The following ROBO2 variants were observed in gnomAD, a reference collection of about 807,000 sequenced individuals.
ROBO2 encodes the protein roundabout guidance receptor 2.
In ROBO2, 53 loss-of-function variants were observed where a neutral mutation model predicts 160.8. The ratio of observed to expected loss-of-function variants is 0.33; its 90% CI spans 0.26 to 0.41. The LOEUF is 0.41. ROBO2 is among the 10% of genes least tolerant of loss of function. The pLI is 1.00. For missense variants in ROBO2, 1,577 were observed against 1,722.4 expected (o/e 0.92, Z 1.49); for synonymous variants, 664 against 611.7 (o/e 1.09, Z -1.26).
chr3:75,971,362 G>A (rs2064987663), intron 2 of ROBO2, among the ~76,000 whole-genome samples: 1 of 151,450 alleles, frequency 6.6e-6, no homozygotes, highest in Non-Finnish European at 1.5e-5. Flanking sequence ...TAATATTTGA[G>A]TGATGAAGGC....
At chr3:76,060,972 T>G (rs6778360) in intron 2 of ROBO2, among the ~76,000 whole-genome samples, 12,581 of 152,214 alleles carry the variant, frequency 0.083, 1,388 homozygotes, top group African/African-American at 0.25. Flanking sequence ...AGCATGTTCT[T>G]GCTACAGTTT....
At chr3:76,995,527 C>A (rs1183414967) in intron 2 of ROBO2, among the ~76,000 whole-genome samples, 1 of 152,058 alleles carries the variant, frequency 6.6e-6, no homozygotes, top group East Asian at 1.9e-4. Flanking sequence ...AATCGCCACA[C>A]TGACTTCCAC....
At chr3:77,528,791 A>G (rs938377146) in intron 6 of ROBO2, among the ~76,000 whole-genome samples, 1 of 151,702 alleles carries the variant, frequency 6.6e-6, no homozygotes, top group Non-Finnish European at 1.5e-5. Context: ...AATTAATTGA[A>G]ACATAAACTG....
intron 2 of ROBO2, among the ~76,000 whole-genome samples, chr3:76,547,180 G>T (rs1378325842): frequency 6.6e-6 from 1 of 151,878 alleles, no homozygotes. Flanking sequence ...TAAAAATAAA[G>T]ATGTTTTTAA....
At chr3:76,293,173 C>G (rs1457781667) in intron 2 of ROBO2, among the ~76,000 whole-genome samples, 1 of 152,112 alleles carries the variant, frequency 6.6e-6, no homozygotes, top group African/African-American at 2.4e-5. Context: ...AACATTCGAA[C>G]TAGAATACAC....
chr3:77,612,351 G>C (rs186144846), intron 21 of ROBO2, among the ~76,000 whole-genome samples: 1 of 152,054 alleles, frequency 6.6e-6, no homozygotes, highest in Non-Finnish European at 1.5e-5. Context: ...ATCCTTCTTC[G>C]GTAACTGCAT....
chr3:77,214,287 G>A (rs905274161), intron 2 of ROBO2, among the ~76,000 whole-genome samples: 1 of 152,082 alleles, frequency 6.6e-6, no homozygotes, highest in Non-Finnish European at 1.5e-5. Context: ...TATATATTTA[G>A]GACAGTTAGC....
intron 2 of ROBO2, among the ~76,000 whole-genome samples, chr3:76,834,185 CTCTCTTTCTT>C (rs1053148133): frequency 2.1e-5 from 3 of 142,268 alleles, no homozygotes; most frequent in African/African-American, 7.9e-5. Context: ...CTCTCTCTCT[CTCTCTTTCTT>C]TCTTTCTTTC....
chr3:76,903,257 C>T (rs2075356871), intron 2 of ROBO2, among the ~76,000 whole-genome samples: 1 of 151,968 alleles, frequency 6.6e-6, no homozygotes, highest in Admixed American at 6.6e-5. Context: ...TTTTTAGTAC[C>T]ATCTTTATCA....
At position 77,034,094 on chromosome 3, in the gene ROBO2, A is replaced by G. The variant is rs554680794; in HGVS notation, c.110-63920A>G. On this transcript the variant is annotated intron_variant, in intron 2 of 26. Coordinates refer to the ROBO2 transcript ENST00000487694. The stretch of plus-strand genomic sequence containing the variant: ...GAGAAAAAAAAAATCACTTGTTGCT[A>G]TCATTCTTTTTTGCTAAGTGAAAGA... Among the ~76,000 whole-genome samples, 3 of 151,984 alleles carry G rather than the reference A, an allele frequency of 2.0e-5. No individual in the cohort carries two copies. The East Asian group carries it at 5.8e-4, about 29-fold the overall frequency.
intron 2 of ROBO2, among the ~76,000 whole-genome samples, chr3:76,614,032 C>T (rs1392438973): frequency 6.6e-6 from 1 of 151,842 alleles, no homozygotes; most frequent in Non-Finnish European, 1.5e-5. Context: ...TTCTCTAATA[C>T]TGAATTTATT....
chr3:77,361,058 G>T (rs1000649522), intron 2 of ROBO2, among the ~76,000 whole-genome samples: 1 of 151,964 alleles, frequency 6.6e-6, no homozygotes, highest in Admixed American at 6.6e-5. Context: ...ATATCTATTG[G>T]TAATTTTATC....
At chr3:76,407,319 C>A (rs928399142) in intron 2 of ROBO2, among the ~76,000 whole-genome samples, 1 of 151,886 alleles carries the variant, frequency 6.6e-6, no homozygotes, top group African/African-American at 2.4e-5. Flanking sequence ...TAAACTATTC[C>A]TGTTAATTTA....
chr3:77,553,612 C>T (rs1367482170), intron 8 of ROBO2, among the ~76,000 whole-genome samples: 1 of 151,850 alleles, frequency 6.6e-6, no homozygotes, highest in Non-Finnish European at 1.5e-5. Flanking sequence ...CTCCAGTGAA[C>T]ACAAAAAATG....
rs572105550 is a variant in ROBO2, at chr3:77,421,992, A to G, written c.389-55422A>G. On this transcript the variant is annotated intron_variant, in intron 2 of 25. Coordinates refer to ENST00000461745, the Ensembl canonical transcript of ROBO2. ...TTTATTCAAATGAATTAGAAATAAT[A>G]TCATGAAAAATTAGATTCATGTGCT... is the stretch of plus-strand genomic sequence containing the variant. 3.3e-5 allele frequency among the ~76,000 whole-genome samples: 5 copies of G among 152,324 alleles called. No homozygotes were observed. The East Asian group carries it at 9.7e-4, about 29-fold the overall frequency.
At chr3:77,303,129 C>T (rs1171724534) in intron 2 of ROBO2, among the ~76,000 whole-genome samples, 1 of 152,148 alleles carries the variant, frequency 6.6e-6, no homozygotes, top group African/African-American at 2.4e-5. Flanking sequence ...TACAATTACA[C>T]ATTTATTTCT....
chr3:77,376,200 G>T (rs1560663246), intron 2 of ROBO2, among the ~76,000 whole-genome samples: 2 of 140,924 alleles, frequency 1.4e-5, no homozygotes, highest in Non-Finnish European at 3.0e-5. Context: ...TGTCACCCAG[G>T]CTGGAGTGCA....
At chr3:76,822,922 A>T (rs889136894) in intron 2 of ROBO2, among the ~76,000 whole-genome samples, 9 of 152,002 alleles carry the variant, frequency 5.9e-5, no homozygotes, top group African/African-American at 2.2e-4. Flanking sequence ...GAACAAATAC[A>T]GGAAAAACAA....
At chr3:76,853,926 C>A (rs1359794246) in intron 2 of ROBO2, among the ~76,000 whole-genome samples, 1 of 151,884 alleles carries the variant, frequency 6.6e-6, no homozygotes, top group Non-Finnish European at 1.5e-5. Flanking sequence ...TATATTCACC[C>A]AAGGCCCCTA....
Sources: allele counts gnomAD v4.1 joint callset (sites outside exome capture counted in the v4.1 genomes callset), GRCh38; gene constraint gnomAD v4.1.1; transcripts MANE v1.5; gene names NCBI Gene and HGNC (gene_info 2026-07-23, HGNC 2026-07-21).